Variants in CISTR observed in about 807,000 individuals in gnomAD.
CISTR encodes the protein chondrogenic regulator lncRNA.
chr12:53,746,987 C>T (rs1279007873), intron 2 of CISTR, among the ~76,000 whole-genome samples: 2 of 152,222 alleles, frequency 1.3e-5, no homozygotes, highest in Non-Finnish European at 2.9e-5. Flanking sequence ...ACACTCTATA[C>T]CTTTGCCTGA....
intron 2 of CISTR, among the ~76,000 whole-genome samples, chr12:53,749,414 G>A (rs1358828733): frequency 2.6e-5 from 4 of 151,908 alleles, no homozygotes; most frequent in Non-Finnish European, 1.5e-5. Context: ...AGACTAAGGG[G>A]AAATGGGGAG....
chr12:53,748,185 A>C (rs571451963), intron 2 of CISTR, among the ~76,000 whole-genome samples: 2 of 152,302 alleles, frequency 1.3e-5, no homozygotes, highest in Non-Finnish European at 2.9e-5. Flanking sequence ...AGAATGCTGC[A>C]GTCAGAGACC....
exon 3 of CISTR, among the ~76,000 whole-genome samples, chr12:53,746,791 C>T (rs1364925473): frequency 1.3e-5 from 2 of 152,192 alleles, no homozygotes. Flanking sequence ...CCGCTGAGCC[C>T]TTCGCAGATC....
At chr12:53,749,353 G>A (rs944636641) in intron 2 of CISTR, among the ~76,000 whole-genome samples, 7 of 151,758 alleles carry the variant, frequency 4.6e-5, no homozygotes, top group African/African-American at 1.7e-4. Flanking sequence ...GCCTCTAACT[G>A]CAGGAGGGCG....
Position 53,751,611 on chromosome 12 carries a change from G to T in CISTR, n.415-646C>A, listed in dbSNP as rs1937852287. 6.6e-6 allele frequency among the ~76,000 whole-genome samples: 1 copy of T among 152,238 alleles called. No individual in the cohort carries two copies. The highest frequency in any genetic ancestry group is 1.9e-4 in the East Asian group (1 of 5,162). On this transcript the variant is annotated intron_variant and non_coding_transcript_variant, in intron 1 of 2. Coordinates refer to ENST00000669269, the Ensembl canonical transcript of CISTR. The surrounding 1 kb of genome is among the most constrained non-coding windows in gnomAD (Gnocchi z 4.6). ...TCATTACGGCTGCAGCCAATTTCATGCCAGCGCCGAGCACTGGCTGGGCCG... is the reference window on the plus strand; with the variant it reads ...TCATTACGGCTGCAGCCAATTTCATTCCAGCGCCGAGCACTGGCTGGGCCG...
At chr12:53,753,518 G>C (rs1227854743) in intron 1 of CISTR, among the ~76,000 whole-genome samples, 2 of 152,210 alleles carry the variant, frequency 1.3e-5, no homozygotes, top group African/African-American at 4.8e-5. Context: ...CTAGAGGATA[G>C]GGAGAATGGT....
At chr12:53,752,805 G>T (rs779349350) in intron 1 of CISTR, among the ~76,000 whole-genome samples, 23 of 152,196 alleles carry the variant, frequency 1.5e-4, no homozygotes, top group Non-Finnish European at 3.1e-4. Flanking sequence ...GGACTGAACT[G>T]CAGAACAAAG....
chr12:53,747,799 C>T (rs1013215311), intron 2 of CISTR, among the ~76,000 whole-genome samples: 11 of 152,060 alleles, frequency 7.2e-5, no homozygotes, highest in African/African-American at 2.7e-4. Context: ...TTCCTGCTCC[C>T]CTTCCTGTGT....
intron 2 of CISTR, among the ~76,000 whole-genome samples, chr12:53,748,634 T>C (rs1937808830): frequency 6.6e-6 from 1 of 151,512 alleles, no homozygotes; most frequent in Non-Finnish European, 1.5e-5. Flanking sequence ...AGCAGAGCAG[T>C]CACGGACACA....
chr12:53,749,288 AGAAGT>A (rs1340975149), intron 2 of CISTR, among the ~76,000 whole-genome samples: 1 of 118,854 alleles, frequency 8.4e-6, no homozygotes, highest in African/African-American at 3.8e-5. Flanking sequence ...GATGGAGGCA[AGAAGT>A]GTGTGTGTGT....
chr12:53,747,662 T>C (rs1469331857), intron 2 of CISTR, among the ~76,000 whole-genome samples: 1 of 151,964 alleles, frequency 6.6e-6, no homozygotes, highest in Non-Finnish European at 1.5e-5. Context: ...GGAATTGAGT[T>C]CCACTGATTT....
chr12:53,749,042 G>C (rs185658949), intron 2 of CISTR, among the ~76,000 whole-genome samples: 2 of 152,120 alleles, frequency 1.3e-5, no homozygotes, highest in South Asian at 2.1e-4. Context: ...TGCCAGAGTT[G>C]TCTGGTGCTG....
intron 1 of CISTR, among the ~76,000 whole-genome samples, chr12:53,754,846 A>C (rs1937898463): frequency 6.6e-6 from 1 of 152,096 alleles, no homozygotes; most frequent in Non-Finnish European, 1.5e-5. Context: ...CACTAAAAGG[A>C]TCTGTTTACA....
In CISTR at chr12:53,755,342, T is replaced by TGTGG. The variant is rs1555168468; in HGVS notation, n.414+1471_414+1472insCCAC. 4.0e-5 allele frequency among the ~76,000 whole-genome samples: 6 copies of TGTGG among 150,140 alleles called. No individual in the cohort carries two copies. The East Asian group carries it at 9.7e-4, about 24-fold the overall frequency. ...GTGTGTGTGTGTGTGTGTGTGTGTG[T>TGTGG]GGTAGGAAATGTGTTGTTGGAGATT... On this transcript the variant is annotated intron_variant and non_coding_transcript_variant, in intron 1 of 2. Transcript: ENST00000669269.
In CISTR at chr12:53,751,426, G is replaced by T. The variant is rs933573204; in HGVS notation, n.415-461C>A. Among the ~76,000 whole-genome samples, 1 of 152,190 alleles carries T rather than the reference G, an allele frequency of 6.6e-6. No individual in the cohort carries two copies. The highest frequency in any genetic ancestry group is 1.5e-5 in the Non-Finnish European group (1 of 68,028). On this transcript the variant is annotated intron_variant and non_coding_transcript_variant, in intron 1 of 2. Coordinates refer to ENST00000669269, the Ensembl canonical transcript of CISTR. The surrounding 1 kb of genome is among the most constrained non-coding windows in gnomAD (Gnocchi z 4.6). ...GCCTCCCACCCCCCTTCCGGCCGCG[G>T]CAGTTTCCGAAATCGCCCGGCGGCC...
rs1257151223 is a variant in CISTR at position 53,751,310 on chromosome 12, G to A, written n.415-345C>T. Among the ~76,000 whole-genome samples the A allele has an allele frequency of 6.6e-6, 1 of 152,118 alleles. No individual in the cohort carries two copies. Among genetic ancestry groups the A allele is most frequent in the East Asian group, 1.9e-4 (1 of 5,164 alleles). On this transcript the variant is annotated intron_variant and non_coding_transcript_variant, in intron 1 of 2. Coordinates refer to ENST00000669269, the Ensembl canonical transcript of CISTR. This position sits in a 1 kb window ranked among gnomAD's most constrained non-coding sequence, Gnocchi z 4.6. ...GGCTCGGGGCGCTCACTCGGACCTC[G>A]GAGCCAATCGCCAGAGATCTAATGG... is the stretch of plus-strand genomic sequence containing the variant.
intron 1 of CISTR, among the ~76,000 whole-genome samples, chr12:53,755,334 T>TGTGTGG (rs1937903071): frequency 6.6e-6 from 1 of 151,896 alleles, no homozygotes; most frequent in African/African-American, 2.4e-5. Context: ...TGTGTGTGTG[T>TGTGTGG]GTGTGTGTGG....
At chr12:53,753,894 A>G (rs1457738291) in intron 1 of CISTR, among the ~76,000 whole-genome samples, 1 of 152,132 alleles carries the variant, frequency 6.6e-6, no homozygotes, top group Non-Finnish European at 1.5e-5. Context: ...CTGCTGTTGT[A>G]GCTCTACCGT....
At chr12:53,747,062 A>G (rs1435490738) in intron 2 of CISTR, among the ~76,000 whole-genome samples, 1 of 152,180 alleles carries the variant, frequency 6.6e-6, no homozygotes, top group African/African-American at 2.4e-5. Flanking sequence ...AACAGAGGGC[A>G]ATTTCTCTTC....
Sources: allele counts gnomAD v4.1 joint callset (sites outside exome capture counted in the v4.1 genomes callset), GRCh38; gene constraint gnomAD v4.1.1; non-coding constraint Gnocchi (gnomAD v3.1); transcripts MANE v1.5; gene names NCBI Gene and HGNC (gene_info 2026-07-23, HGNC 2026-07-21).